The following KALRN variants were observed in gnomAD, a reference collection of about 807,000 sequenced individuals.
The protein encoded by KALRN is kalirin.
In KALRN, 70 loss-of-function variants were observed where a neutral mutation model predicts 353.7. That is an observed-to-expected ratio of 0.20 (90% CI 0.16 to 0.24). The LOEUF (loss-of-function observed/expected upper bound fraction) is 0.24. Ranked by LOEUF, KALRN falls within the 10% of genes least tolerant of loss-of-function variation. The pLI is 1.00. For missense variants in KALRN, 2,791 were observed against 3,756.7 expected, an observed-to-expected ratio of 0.74 and a Z score of 6.72; for synonymous variants, 1,391 against 1,434.8, an observed-to-expected ratio of 0.97 and a Z score of 0.69.
intron 33 of KALRN, among the ~76,000 whole-genome samples, chr3:124,497,938 A>G (rs867445878): frequency 1.3e-5 from 2 of 152,226 alleles, no homozygotes; most frequent in Non-Finnish European, 2.9e-5. Flanking sequence ...AGCTCCAGCT[A>G]TTCCTTGTCT....
At chr3:124,708,362 A>C (rs2062737148) in intron 57 of KALRN, among the ~76,000 whole-genome samples, 1 of 152,244 alleles carries the variant, frequency 6.6e-6, no homozygotes, top group African/African-American at 2.4e-5. Flanking sequence ...TAGCAATTAC[A>C]ACCATCCTCT....
At chr3:124,446,341 G>C in intron 20 of KALRN, 65 bp downstream of exon 20, 1 of 1,212,902 alleles carries the variant, frequency 8.2e-7, no homozygotes, top group Non-Finnish European at 1.2e-6. Context: ...CATCACCAAG[G>C]CTTAGTCCAG....
chr3:124,381,621 T>C lies in KALRN; in HGVS notation c.1771-3224T>C, dbSNP rs538657815. Among the ~76,000 whole-genome samples the C allele has an allele frequency of 1.8e-4, 28 of 152,324 alleles. No homozygotes were observed. The South Asian group carries it at 5.2e-3, about 28-fold the overall frequency. ...CATTCTCTCTATAAAATGTATCTTA[T>C]AGCTCTTCACTGACTTATCCAACCT... is the stretch of plus-strand genomic sequence containing the variant. On this transcript the variant is annotated intron_variant, in intron 10 of 59. Coordinates refer to ENST00000682506, the MANE Select transcript of KALRN (RefSeq NM_001388419.1).
At chr3:124,286,737 T>G (rs1390432237) in intron 5 of KALRN, among the ~76,000 whole-genome samples, 2 of 152,246 alleles carry the variant, frequency 1.3e-5, no homozygotes, top group Non-Finnish European at 2.9e-5. Flanking sequence ...TTTTAATCCA[T>G]TTTGTCCCTT....
At chr3:124,551,062 G>C (rs766344276) in intron 33 of KALRN, among the ~76,000 whole-genome samples, 5 of 152,194 alleles carry the variant, frequency 3.3e-5, no homozygotes, top group Non-Finnish European at 5.9e-5. Flanking sequence ...CAAGGGAACA[G>C]TACAAAGTGT....
In KALRN at chr3:124,206,631, C is replaced by T. The variant is rs114014747; in HGVS notation, c.74-21359C>T. On this transcript the variant is annotated intron_variant, in intron 1 of 59. Transcript: ENST00000682506. The stretch of plus-strand genomic sequence containing the variant: ...GGGTAGTGTTGCATGTTGAGAAATA[C>T]AGCTTCATTCCCACAGTTAGACTAA... 8.2e-3 allele frequency among the ~76,000 whole-genome samples: 1,252 copies of T among 152,288 alleles called. 17 individuals are homozygous for T. The highest frequency in any genetic ancestry group is 0.028 in the African/African-American group (1,172 of 41,546).
intron 33 of KALRN, among the ~76,000 whole-genome samples, chr3:124,546,679 G>A (rs1456077689): frequency 6.6e-6 from 1 of 151,964 alleles, no homozygotes; most frequent in African/African-American, 2.4e-5. Context: ...CGCCCAGTGT[G>A]GATCCATCTT....
chr3:124,449,086 C>T (rs2058527772), intron 21 of KALRN, among the ~76,000 whole-genome samples: 1 of 152,188 alleles, frequency 6.6e-6, no homozygotes, highest in Non-Finnish European at 1.5e-5. Flanking sequence ...CCTGCCCCAC[C>T]CTAATCCCAC....
At chr3:124,307,223 G>A (rs2077787769) in intron 6 of KALRN, among the ~76,000 whole-genome samples, 1 of 152,056 alleles carries the variant, frequency 6.6e-6, no homozygotes, top group African/African-American at 2.4e-5. Context: ...GTTTTCCAGT[G>A]ATAGCACAAA....
At chr3:124,400,105 G>A (rs1016364015) in intron 13 of KALRN, among the ~76,000 whole-genome samples, 1 of 151,870 alleles carries the variant, frequency 6.6e-6, no homozygotes, top group Non-Finnish European at 1.5e-5. Context: ...TAATATCTGC[G>A]GAAACTTCAA....
At chr3:124,245,503 C>T (rs2081011947) in intron 3 of KALRN, among the ~76,000 whole-genome samples, 1 of 151,970 alleles carries the variant, frequency 6.6e-6, no homozygotes. Context: ...GCTACATACC[C>T]AGCAGTGGGA....
intron 33 of KALRN, among the ~76,000 whole-genome samples, chr3:124,516,769 C>A (rs1413083259): frequency 6.7e-6 from 1 of 150,222 alleles, no homozygotes; most frequent in Admixed American, 6.6e-5. Flanking sequence ...ATTTAAAATT[C>A]TTTTTTTTGT....
chr3:124,272,755 G>A (rs775453473), intron 5 of KALRN, among the ~76,000 whole-genome samples: 1 of 152,220 alleles, frequency 6.6e-6, no homozygotes, highest in Non-Finnish European at 1.5e-5. Context: ...GTGCTGGACA[G>A]GGTAGAAAAA....
chr3:124,506,759 G>C (rs942885632), intron 33 of KALRN, among the ~76,000 whole-genome samples: 2 of 152,198 alleles, frequency 1.3e-5, no homozygotes, highest in Non-Finnish European at 2.9e-5. Flanking sequence ...TGCAAGAATA[G>C]AATTTTTAAA....
At chr3:124,464,258 A>T (rs1318781463) in intron 25 of KALRN, among the ~76,000 whole-genome samples, 2 of 152,164 alleles carry the variant, frequency 1.3e-5, no homozygotes, top group African/African-American at 4.8e-5. Flanking sequence ...CAATTGACTA[A>T]CTACGGAAGC....
chr3:124,042,354 G>A (rs1032593908), intron 1 of KALRN, among the ~76,000 whole-genome samples: 1 of 152,204 alleles, frequency 6.6e-6, no homozygotes, highest in Non-Finnish European at 1.5e-5. Context: ...TCTTTCAGCA[G>A]TTGGCTTTGG....
chr3:124,045,467 A>G (rs1185691773), intron 1 of KALRN, among the ~76,000 whole-genome samples: 1 of 152,222 alleles, frequency 6.6e-6, no homozygotes, highest in Admixed American at 6.5e-5. Context: ...GGAAGTAAAG[A>G]GACACTTAAC....
intron 1 of KALRN, among the ~76,000 whole-genome samples, chr3:124,225,531 C>T (rs779057265): frequency 9.9e-5 from 15 of 152,132 alleles, no homozygotes; most frequent in Non-Finnish European, 1.5e-4. Context: ...ACAGCCCAAC[C>T]CAAGGTATTG....
chr3:124,093,688 A>G (rs1320074891), intron 1 of KALRN, among the ~76,000 whole-genome samples: 1 of 152,252 alleles, frequency 6.6e-6, no homozygotes, highest in Non-Finnish European at 1.5e-5. Context: ...TGCGAAGTTC[A>G]GGGTTCTTTG....
Sources: allele counts gnomAD v4.1 joint callset (sites outside exome capture counted in the v4.1 genomes callset), GRCh38; gene constraint gnomAD v4.1.1; transcripts MANE v1.5; gene names NCBI Gene and HGNC (gene_info 2026-07-23, HGNC 2026-07-21).